The following DOT1L variants were observed in gnomAD, a reference collection of about 807,000 sequenced individuals.
The protein encoded by DOT1L is DOT1 like histone lysine methyltransferase.
Under a neutral mutation model 153.3 loss-of-function variants are expected in DOT1L, and 33 were observed. That is an observed-to-expected ratio of 0.22 (90% confidence interval 0.16 to 0.29). The LOEUF (loss-of-function observed/expected upper bound fraction) is 0.29. DOT1L is among the 10% of genes least tolerant of loss of function. The probability of loss-of-function intolerance (pLI) is 1.00; values close to 1 mark genes in which losing one functional copy is unlikely to be tolerated. For synonymous variants in DOT1L, 1,135 were observed against 965.1 expected, an observed-to-expected ratio of 1.18 and a Z score of -3.26; for missense variants, 1,847 against 2,119.9, an observed-to-expected ratio of 0.87 and a Z score of 2.53.
chr19:2,225,508 C>T, intron 26 of DOT1L, 56 bp downstream of exon 26: 2 of 1,576,352 alleles, frequency 1.3e-6, no homozygotes, highest in Non-Finnish European at 1.7e-6. Flanking sequence ...CCGTGGTGCC[C>T]AGTCAGTGCT....
intron 1 of DOT1L, among the ~76,000 whole-genome samples, chr19:2,168,174 C>T (rs1380799906): frequency 6.6e-6 from 1 of 152,130 alleles, no homozygotes; most frequent in Non-Finnish European, 1.5e-5. Flanking sequence ...AGAAACCTGT[C>T]AAATGAAGAC....
chr19:2,171,819 T>A (rs530653387), intron 1 of DOT1L, among the ~76,000 whole-genome samples: 1 of 152,272 alleles, frequency 6.6e-6, no homozygotes, highest in Admixed American at 6.5e-5. Context: ...TATTTGGGCC[T>A]CGTTTGCGGG....
chr19:2,209,455 G>C (rs1282495267), intron 12 of DOT1L, among the ~76,000 whole-genome samples: 2 of 152,336 alleles, frequency 1.3e-5, no homozygotes, highest in East Asian at 3.9e-4. Flanking sequence ...GTCACTGCTG[G>C]CTGCCCCCTC....
rs1253009332 is a variant in DOT1L at position 2,208,146 on chromosome 19, G to T, written c.963+466G>T. Among the ~76,000 whole-genome samples the T allele has an allele frequency of 2.0e-5, 3 of 152,074 alleles. No homozygotes were observed. The highest frequency in any genetic ancestry group is 2.9e-5 in the Non-Finnish European group (2 of 67,994). ...GTGTTCCCCAGGGTCCTCTGACACA[G>T]CCCTGGGCCAGTGTGCGGCCTGCCT... On this transcript the variant is annotated intron_variant, in intron 11 of 27. Coordinates refer to ENST00000398665, the MANE Select transcript of DOT1L (RefSeq NM_032482.3). The surrounding 1 kb of genome is among the most constrained non-coding windows in gnomAD (Gnocchi z 4.4).
intron 27 of DOT1L, chr19:2,227,787 C>A: frequency 7.6e-7 from 1 of 1,314,502 alleles, no homozygotes; most frequent in Admixed American, 2.2e-5. Flanking sequence ...GTTTGGAGCC[C>A]GTGTCGGCCG....
chr19:2,221,938 T>A lies in DOT1L; in HGVS notation c.2807-38T>A, dbSNP rs376608472. On this transcript the variant is annotated intron_variant, in intron 23 of 27. Transcript: ENST00000398665. ...CACAGCAAGGCTTTCTCTTTGGCCA[T>A]CCTGTGTCCCCTGAGACCCCCATGT... 2.3e-5 allele frequency: 36 copies of A among 1,547,500 alleles called. No homozygotes were observed. The African/African-American group carries it at 4.0e-4, about 17-fold the overall frequency.
chr19:2,167,236 G>C (rs1189583963), intron 1 of DOT1L, among the ~76,000 whole-genome samples: 2 of 152,210 alleles, frequency 1.3e-5, no homozygotes, highest in African/African-American at 4.8e-5. Context: ...CCTGTGCTAA[G>C]CGTCTGTTTA....
chr19:2,229,684 T>C (rs926601280), intron 27 of DOT1L, 101 bp from the exon 28 acceptor site: 4 of 1,604,890 alleles, frequency 2.5e-6, no homozygotes, highest in African/African-American at 1.3e-5. Context: ...AGGTGGCGTG[T>C]GTGCTCGTGG....
intron 7 of DOT1L, among the ~76,000 whole-genome samples, chr19:2,196,836 G>A (rs1208061474): frequency 6.6e-6 from 1 of 152,214 alleles, no homozygotes; most frequent in Admixed American, 6.5e-5. Context: ...CCCTGGCCGC[G>A]GAGCACGGTG....
rs1188733812 is a variant in DOT1L at position 2,185,843 on chromosome 19, G to T, written c.126-12G>T. On this transcript the variant is annotated splice_polypyrimidine_tract_variant and intron_variant, in intron 2 of 27. Transcript: ENST00000398665. ...CAAACCCTTCCTGATCGTTTCTGCT[G>T]CTGTGTTTCAGATGGGTCTGTGAAG... 5.0e-6 allele frequency: 8 copies of T among 1,613,704 alleles called. No individual in the cohort carries two copies. The South Asian group carries it at 8.8e-5, about 18-fold the overall frequency.
At position 2,190,949 on chromosome 19, in the gene DOT1L, TG is replaced by T; in HGVS notation, c.265-61del. 7.8e-6 allele frequency: 4 copies of T among 511,896 alleles called. No homozygotes were observed. The highest frequency in any genetic ancestry group is 1.1e-5 in the Non-Finnish European group (4 of 352,822). The allele number at this position is 511,896 out of a possible 1,614,324, so 31.7% of individuals were successfully genotyped here. On this transcript the variant is annotated intron_variant, in intron 4 of 27. Transcript: ENST00000398665. The surrounding 1 kb of genome is among the most constrained non-coding windows in gnomAD (Gnocchi z 4.8). ...TTCCGCTGGGAAAGGTCCCGGGTCTTGGTGGTGGAGGGGCTGGGCCGTGAGG... is the reference window on the plus strand; with the variant it reads ...TTCCGCTGGGAAAGGTCCCGGGTCTTGTGGTGGAGGGGCTGGGCCGTGAGG...
rs1308655084 is a variant in DOT1L at position 2,197,475 on chromosome 19, G to A, written c.652-2409G>A. On this transcript the variant is annotated intron_variant, in intron 7 of 27. Transcript: ENST00000398665. This position sits in a 1 kb window ranked among gnomAD's most constrained non-coding sequence, Gnocchi z 4.1. The stretch of plus-strand genomic sequence containing the variant: ...GGGCTGAGCCTTGCTCAGGAGAGGG[G>A]TGCTGTCGGGTGGTGGGGCTGCCGC... Among the ~76,000 whole-genome samples, 1 of 152,202 alleles carries A rather than the reference G, an allele frequency of 6.6e-6. No homozygotes were observed. Among genetic ancestry groups the A allele is most frequent in the Non-Finnish European group, 1.5e-5 (1 of 68,032 alleles).
intron 1 of DOT1L, among the ~76,000 whole-genome samples, chr19:2,171,045 C>T (rs1040238590): frequency 6.6e-6 from 1 of 152,210 alleles, no homozygotes; most frequent in African/African-American, 2.4e-5. Context: ...TGACTGCATT[C>T]TCCGCCTCCC....
In DOT1L at chr19:2,226,229, C is replaced by A. The variant is rs934397018; in HGVS notation, c.3708C>A (p.Val1236=). 3 of 1,549,342 alleles carry A rather than the reference C, an allele frequency of 1.9e-6. No homozygotes were observed. The highest frequency in any genetic ancestry group is 2.0e-5 in the Admixed American group (1 of 51,200). ...AGCCCGCGCCCGCCGGCGAGCCAGT[C>A]AATAGCAGCAAGTGGAAGTCCACCT... The part of the protein sequence containing the change: ...GRKPAPAGEP[V]NSSKWKSTFS... Residue 1236 remains valine (V), a synonymous_variant, in exon 27 of 28, where the codon GTC becomes GTA. Coordinates refer to ENST00000398665, the MANE Select transcript of DOT1L (RefSeq NM_032482.3).
At chr19:2,187,786 G>T (rs548272560) in intron 3 of DOT1L, among the ~76,000 whole-genome samples, 3 of 152,132 alleles carry the variant, frequency 2.0e-5, no homozygotes, top group African/African-American at 7.2e-5. Context: ...GCCGGGCGTG[G>T]TGGCGGGTGC....
rs973729363 is a variant in DOT1L, at chr19:2,216,112, G to A, written c.1924-169G>A. On this transcript the variant is annotated intron_variant, in intron 19 of 27. Transcript: ENST00000398665. ...GGCCCTCCACATGACTTTATTTGACGCCCCCAGCTTCCCGACCCCGCCTCT... is the reference window on the plus strand; with the variant it reads ...GGCCCTCCACATGACTTTATTTGACACCCCCAGCTTCCCGACCCCGCCTCT... 9 of 913,284 alleles carry A rather than the reference G, an allele frequency of 9.9e-6. No individual in the cohort carries two copies. In the African/African-American group the frequency reaches 1.0e-4, roughly 10 times the overall value. The allele number at this position is 913,284 out of a possible 1,614,324, so 56.6% of individuals were successfully genotyped here.
chr19:2,200,027 C>T, intron 8 of DOT1L, 88 bp downstream of exon 8: 1 of 1,518,096 alleles, frequency 6.6e-7, no homozygotes, highest in Admixed American at 1.9e-5. Flanking sequence ...GGAGCGGCCC[C>T]TCGCTCCTGT....
intron 2 of DOT1L, among the ~76,000 whole-genome samples, chr19:2,183,003 C>G (rs1400641079): frequency 1.3e-5 from 2 of 152,160 alleles, no homozygotes; most frequent in Non-Finnish European, 2.9e-5. Flanking sequence ...CCCCCACCAC[C>G]TGGAGAGGCT....
chr19:2,168,193 C>A (rs551613389), intron 1 of DOT1L, among the ~76,000 whole-genome samples: 1 of 152,288 alleles, frequency 6.6e-6, no homozygotes, highest in East Asian at 1.9e-4. Context: ...ACAGGCCGGG[C>A]ACAGGGGCTC....
Sources: gnomAD v4.1 joint callset for allele counts (sites outside exome capture counted in the v4.1 genomes callset) on GRCh38, gnomAD v4.1.1 for gene constraint, Gnocchi (gnomAD v3.1) non-coding constraint, MANE v1.5 for transcripts, NCBI Gene and HGNC (gene_info 2026-07-23, HGNC 2026-07-21) for gene names.